The following DCAF6 variants were observed in gnomAD, a reference collection of about 807,000 sequenced individuals.
DCAF6 encodes the protein DDB1 and CUL4 associated factor 6, also known as DDB1- and CUL4-associated factor 6.
Under a neutral mutation model 125.1 loss-of-function variants are expected in DCAF6, and 54 were observed. The ratio of observed to expected loss-of-function variants is 0.43; its 90% CI spans 0.35 to 0.54. DCAF6 has a LOEUF of 0.54. Ranked by LOEUF, DCAF6 falls within the 20% of genes least tolerant of loss-of-function variation. The probability of loss-of-function intolerance (pLI) is 0.01; values close to 1 mark genes in which losing one functional copy is unlikely to be tolerated. For synonymous variants in DCAF6, 371 were observed against 390.4 expected, an observed-to-expected ratio of 0.95 and a Z score of 0.58; for missense variants, 934 against 1,161.7, an observed-to-expected ratio of 0.80 and a Z score of 2.85.
the DCAF6 span, among the ~76,000 whole-genome samples, chr1:167,865,798 T>G: frequency 6.6e-6 from 1 of 152,240 alleles, no homozygotes; most frequent in Admixed American, 6.5e-5. Context: ...GTTATGCTTG[T>G]GCACATGGCA....
intron 2 of DCAF6, among the ~76,000 whole-genome samples, chr1:167,960,209 C>A (rs762254270): frequency 1.3e-5 from 2 of 151,968 alleles, no homozygotes; most frequent in African/African-American, 4.8e-5. Flanking sequence ...GCTCTGAATT[C>A]TGTTTAGTTA....
chr1:167,995,744 T>G lies in DCAF6; in HGVS notation c.903+2304T>G, dbSNP rs142116743. On this transcript the variant is annotated intron_variant, in intron 7 of 21. Transcript: ENST00000367840. ...ATTCAGAGGTATACATAGAATAAAT[T>G]AATAATCTGTCTTATTTGTAATTCT... 2.1e-3 allele frequency among the ~76,000 whole-genome samples: 316 copies of G among 152,150 alleles called. 2 individuals are homozygous for G. Among genetic ancestry groups the G allele is most frequent in the African/African-American group, 7.1e-3 (295 of 41,524 alleles).
intron 1 of DCAF6, among the ~76,000 whole-genome samples, chr1:167,938,906 A>T (rs1419170681): frequency 6.6e-6 from 1 of 152,212 alleles, no homozygotes; most frequent in Non-Finnish European, 1.5e-5. Context: ...TGAAGGGTTC[A>T]CTGACTATAT....
intron 5 of DCAF6, among the ~76,000 whole-genome samples, chr1:167,988,384 G>A (rs1406461711): frequency 6.6e-6 from 1 of 151,962 alleles, no homozygotes; most frequent in Non-Finnish European, 1.5e-5. Flanking sequence ...GGCTGGTGGT[G>A]TCAAACTCCT....
chr1:167,946,403 A>G (rs1571600311), intron 1 of DCAF6, among the ~76,000 whole-genome samples: 1 of 152,148 alleles, frequency 6.6e-6, no homozygotes, highest in East Asian at 1.9e-4. Flanking sequence ...AGGACTTCCA[A>G]TACTATATTG....
At chr1:167,979,999 G>A (rs1271685080) in intron 4 of DCAF6, among the ~76,000 whole-genome samples, 1 of 152,064 alleles carries the variant, frequency 6.6e-6, no homozygotes, top group Admixed American at 6.6e-5. Flanking sequence ...TGGCCAACAT[G>A]GTGAAACCCT....
intron 21 of DCAF6, among the ~76,000 whole-genome samples, chr1:168,069,291 A>T (rs1413296016): frequency 2.6e-5 from 4 of 152,182 alleles, no homozygotes; most frequent in African/African-American, 7.2e-5. Flanking sequence ...AATATATTCA[A>T]ATCATTCATA....
the DCAF6 span, among the ~76,000 whole-genome samples, chr1:167,924,715 C>T: frequency 6.6e-6 from 1 of 152,158 alleles, no homozygotes; most frequent in Non-Finnish European, 1.5e-5. Flanking sequence ...ACCACAGTAT[C>T]ACAGTACAGT....
the DCAF6 span, among the ~76,000 whole-genome samples, chr1:167,892,861 A>C: frequency 6.6e-6 from 1 of 152,208 alleles, no homozygotes; most frequent in Non-Finnish European, 1.5e-5. Context: ...TGTAGAAGTC[A>C]GATAGACCAG....
At chr1:167,982,327 C>G (rs1246465440) in intron 4 of DCAF6, among the ~76,000 whole-genome samples, 2 of 152,124 alleles carry the variant, frequency 1.3e-5, no homozygotes, top group Non-Finnish European at 2.9e-5. Context: ...CAGCAACCTC[C>G]TCTTCCTGCT....
the DCAF6 span, among the ~76,000 whole-genome samples, chr1:167,895,131 C>T: frequency 6.7e-6 from 1 of 149,142 alleles, no homozygotes; most frequent in Non-Finnish European, 1.5e-5. Flanking sequence ...GCAGTGAGCC[C>T]ATATCGCGCC....
chr1:167,937,247 C>T, intron 1 of DCAF6: 7 of 581,082 alleles, frequency 1.2e-5, no homozygotes, highest in Middle Eastern at 5.4e-4. Context: ...GGGCCGTGGG[C>T]AGAAGGTACT....
At chr1:167,918,492 C>T in the DCAF6 span, 1 of 511,322 alleles carries the variant, frequency 2.0e-6, no homozygotes, top group South Asian at 3.5e-5. Context: ...ACAGAATCTT[C>T]CCGGAGGGCT....
intron 17 of DCAF6, 48 bp from the exon 18 acceptor site, chr1:168,063,573 G>T: frequency 7.3e-7 from 1 of 1,366,402 alleles, no homozygotes; most frequent in South Asian, 1.6e-5. Context: ...ATTATTCTTT[G>T]TGAATATTTT....
rs767641505 is a variant in DCAF6 at position 168,004,606 on chromosome 1, T to G, written c.1191T>G (p.Thr397=). 54 of 1,612,448 alleles carry G rather than the reference T, an allele frequency of 3.3e-5. No individual in the cohort carries two copies. Among genetic ancestry groups the G allele is most frequent in the Non-Finnish European group, 4.2e-5 (49 of 1,179,218 alleles). Residue 397 remains threonine (T), a synonymous_variant, in exon 10 of 22, where the codon ACT becomes ACG. Coordinates refer to ENST00000367840, the MANE Select transcript of DCAF6 (RefSeq NM_001198956.2). ...PSSPDLEVSE[T]AMEVDTPAEQ... ...GTCCTGATTTGGAAGTGAGTGAAAC[T>G]GCAATGGAAGTAGATACTCCAGCTG...
At chr1:167,926,823 T>C in the DCAF6 span, among the ~76,000 whole-genome samples, 1 of 152,204 alleles carries the variant, frequency 6.6e-6, no homozygotes, top group Non-Finnish European at 1.5e-5. Context: ...CCCTTCTCAA[T>C]ATCCTGCTTA....
chr1:167,913,702 G>C, the DCAF6 span, among the ~76,000 whole-genome samples: 274 of 150,970 alleles, frequency 1.8e-3, no homozygotes, highest in African/African-American at 6.3e-3. Context: ...CTGATAAAAA[G>C]GAGGATATCA....
intron 11 of DCAF6, among the ~76,000 whole-genome samples, chr1:168,016,211 C>G (rs1214378162): frequency 6.6e-6 from 1 of 152,114 alleles, no homozygotes; most frequent in Non-Finnish European, 1.5e-5. Flanking sequence ...ATATTTATTA[C>G]TTTTAAAGCT....
chr1:168,051,806 G>A (rs1572104374), intron 17 of DCAF6, among the ~76,000 whole-genome samples: 1 of 151,254 alleles, frequency 6.6e-6, no homozygotes, highest in Non-Finnish European at 1.5e-5. Flanking sequence ...GTTTTGTGCT[G>A]TTGTTTCTAG....
Sources: gnomAD v4.1 joint callset for allele counts (sites outside exome capture counted in the v4.1 genomes callset) on GRCh38, gnomAD v4.1.1 for gene constraint, MANE v1.5 for transcripts, NCBI Gene and HGNC (gene_info 2026-07-23, HGNC 2026-07-21) for gene names.